APBA2: variants seen among roughly 807,000 people sequenced by gnomAD.
APBA2 encodes the protein amyloid beta precursor protein binding family A member 2.
A neutral mutation model predicts 75.0 loss-of-function variants in APBA2; 30 were observed. The ratio of observed to expected loss-of-function variants is 0.40; its 90% CI spans 0.30 to 0.54. APBA2 has a LOEUF of 0.54. Among genes scored for constraint, APBA2 ranks in the 20% least tolerant of loss-of-function variants. APBA2 has a pLI of 0.49. For missense variants in APBA2, 801 were observed against 1,016.1 expected, an observed-to-expected ratio of 0.79 and a Z score of 2.88; for synonymous variants, 444 against 409.6, an observed-to-expected ratio of 1.08 and a Z score of -1.01.
At chr15:29,002,379 T>C (rs893896865) in intron 3 of APBA2, among the ~76,000 whole-genome samples, 6 of 152,224 alleles carry the variant, frequency 3.9e-5, no homozygotes, top group African/African-American at 1.4e-4. Flanking sequence ...TGCTGTGAAC[T>C]AATCTCCTTT....
At chr15:29,094,168 C>G in intron 7 of APBA2, 110 bp from the exon 8 acceptor site, 2 of 1,201,600 alleles carry the variant, frequency 1.7e-6, no homozygotes, top group Non-Finnish European at 2.5e-6. Context: ...CTGGGCTTTG[C>G]TAGGCACCAG....
intron 2 of APBA2, among the ~76,000 whole-genome samples, chr15:28,931,023 T>C (rs746352254): frequency 2.8e-4 from 42 of 152,284 alleles, no homozygotes; most frequent in Non-Finnish European, 5.0e-4. Flanking sequence ...TCCGCAGACA[T>C]TGGGGACTCG....
chr15:29,044,803 A>C (rs1157365724), intron 3 of APBA2, among the ~76,000 whole-genome samples: 1 of 152,228 alleles, frequency 6.6e-6, no homozygotes, highest in Non-Finnish European at 1.5e-5. Context: ...TTAGTGTCTT[A>C]GTCAGCTCAG....
At chr15:29,068,756 C>T (rs1228461318) in intron 4 of APBA2, among the ~76,000 whole-genome samples, 6 of 152,184 alleles carry the variant, frequency 3.9e-5, no homozygotes, top group Admixed American at 6.5e-5. Context: ...TACAAGCTGG[C>T]GGATGACCTC....
At chr15:29,086,724 T>G (rs188885745) in intron 6 of APBA2, among the ~76,000 whole-genome samples, 161 of 152,372 alleles carry the variant, frequency 1.1e-3, no homozygotes, top group African/African-American at 3.7e-3. Flanking sequence ...GACAACTGTG[T>G]TTTAAAATAT....
chr15:28,892,338 G>A (rs535040208), intron 1 of APBA2, among the ~76,000 whole-genome samples: 1 of 152,256 alleles, frequency 6.6e-6, no homozygotes, highest in African/African-American at 2.4e-5. Flanking sequence ...GCCTCCCAAG[G>A]TGCTGGGATT....
At chr15:29,103,264 T>G (rs2044222599) in intron 10 of APBA2, among the ~76,000 whole-genome samples, 1 of 152,180 alleles carries the variant, frequency 6.6e-6, no homozygotes, top group Non-Finnish European at 1.5e-5. Context: ...TATGCCGTAT[T>G]GGGTAGATGA....
chr15:28,912,378 G>A (rs2033469633), intron 1 of APBA2, among the ~76,000 whole-genome samples: 1 of 152,196 alleles, frequency 6.6e-6, no homozygotes, highest in Non-Finnish European at 1.5e-5. Flanking sequence ...AGAAACTGTG[G>A]CCTCACTGAG....
At chr15:29,061,912 C>G (rs1385008885) in intron 4 of APBA2, among the ~76,000 whole-genome samples, 1 of 152,066 alleles carries the variant, frequency 6.6e-6, no homozygotes. Context: ...CACCCAGGCG[C>G]CCCCCCTCCA....
intron 10 of APBA2, chr15:29,102,054 T>G: frequency 1.8e-6 from 1 of 566,074 alleles, no homozygotes; most frequent in South Asian, 2.1e-5. Flanking sequence ...AGAAATCCCT[T>G]TACAAAACAT....
At chr15:28,986,715 C>T (rs539084640) in intron 2 of APBA2, among the ~76,000 whole-genome samples, 2 of 152,252 alleles carry the variant, frequency 1.3e-5, no homozygotes, top group South Asian at 2.1e-4. Context: ...GATCTGCCTG[C>T]CTTGGCCTCC....
intron 3 of APBA2, among the ~76,000 whole-genome samples, chr15:29,008,192 A>G (rs865885826): frequency 1.3e-5 from 2 of 152,322 alleles, no homozygotes; most frequent in Middle Eastern, 3.4e-3. Flanking sequence ...AGTCAAATTC[A>G]TGGAGACAGA....
At chr15:28,891,286 T>C (rs963511031) in intron 1 of APBA2, among the ~76,000 whole-genome samples, 1 of 152,186 alleles carries the variant, frequency 6.6e-6, no homozygotes, top group African/African-American at 2.4e-5. Flanking sequence ...GTGGGTTGCC[T>C]AAGAACACTC....
intron 3 of APBA2, among the ~76,000 whole-genome samples, chr15:29,014,735 G>T (rs1380748021): frequency 1.3e-5 from 2 of 148,946 alleles, no homozygotes; most frequent in Non-Finnish European, 3.0e-5. Context: ...AAGAGACAGG[G>T]TCTCACTTTG....
intron 3 of APBA2, among the ~76,000 whole-genome samples, chr15:29,038,204 G>A (rs1449839931): frequency 1.3e-5 from 2 of 152,124 alleles, no homozygotes. Context: ...GAACTCCAGG[G>A]TCTCCTCTTC....
intron 13 of APBA2, among the ~76,000 whole-genome samples, chr15:29,112,855 G>A (rs939142224): frequency 1.3e-5 from 2 of 151,946 alleles, no homozygotes; most frequent in Admixed American, 6.6e-5. Flanking sequence ...AAGCACCACC[G>A]CCCATTTCTC....
chr15:28,949,830 A>G (rs905609007), intron 2 of APBA2, among the ~76,000 whole-genome samples: 1 of 152,156 alleles, frequency 6.6e-6, no homozygotes, highest in African/African-American at 2.4e-5. Context: ...AAAAGTTGCA[A>G]AGACTGCAGA....
At chr15:29,082,421 A>C (rs562560300) in intron 6 of APBA2, among the ~76,000 whole-genome samples, 1 of 152,310 alleles carries the variant, frequency 6.6e-6, no homozygotes, top group Admixed American at 6.5e-5. Flanking sequence ...TTACTAGTAT[A>C]CAATACAGGA....
At chr15:29,107,504 G>A (rs965984352) in intron 12 of APBA2, among the ~76,000 whole-genome samples, 11 of 152,172 alleles carry the variant, frequency 7.2e-5, no homozygotes, top group East Asian at 1.9e-4. Context: ...TGGAGGAAGC[G>A]CCTTCCTCCT....
Sources: allele counts gnomAD v4.1 joint callset (sites outside exome capture counted in the v4.1 genomes callset), GRCh38; gene constraint gnomAD v4.1.1; transcripts MANE v1.5; gene names NCBI Gene and HGNC (gene_info 2026-07-23, HGNC 2026-07-21).